TRPC3: variants seen among roughly 807,000 people sequenced by gnomAD.
The protein encoded by TRPC3 is short transient receptor potential channel 3.
Under a neutral mutation model 90.9 loss-of-function variants are expected in TRPC3, and 54 were observed. The observed-to-expected ratio is 0.59, with a 90% CI of 0.48 to 0.75. The LOEUF (loss-of-function observed/expected upper bound fraction) is 0.75. TRPC3 is among the 30% of genes least tolerant of loss of function. TRPC3 has a pLI of 0.00. For missense variants in TRPC3, 918 were observed against 1,194.5 expected, an observed-to-expected ratio of 0.77 and a Z score of 3.41; for synonymous variants, 424 against 450.9, an observed-to-expected ratio of 0.94 and a Z score of 0.75.
chr4:121,897,273 A>G (rs571490033), intron 10 of TRPC3, among the ~76,000 whole-genome samples: 2 of 152,034 alleles, frequency 1.3e-5, no homozygotes, highest in African/African-American at 4.8e-5. Context: ...GAAGTAACAA[A>G]AGCAAAAATA....
chr4:121,918,444 T>C (rs1729395190), intron 3 of TRPC3, among the ~76,000 whole-genome samples: 1 of 152,258 alleles, frequency 6.6e-6, no homozygotes, highest in African/African-American at 2.4e-5. Context: ...AATTTGAAGA[T>C]GTGCTTTATG....
chr4:121,950,613 A>T (rs1730687940), intron 1 of TRPC3: 1 of 152,270 alleles, frequency 6.6e-6, no homozygotes, highest in South Asian at 2.1e-4. Flanking sequence ...AAGATTGGAA[A>T]TTAAGAAAAG....
Position 121,932,293 on chromosome 4 carries a change from G to A in TRPC3, c.965C>T (p.Ala322Val), listed in dbSNP as rs1729960971. 6.2e-7 allele frequency: 1 copy of A among 1,613,906 alleles called. No individual in the cohort carries two copies. The highest frequency in any genetic ancestry group is 8.5e-7 in the Non-Finnish European group (1 of 1,179,984). Residue 322 changes from alanine to valine, a missense_variant, in exon 2 of 12, where the codon GCC becomes GTC. Physicochemically the swap from Ala to Val is moderately conservative, Grantham distance 64. Transcript: ENST00000379645. The surrounding 1 kb of genome is among the most constrained non-coding windows in gnomAD (Gnocchi z 7.7). ...TACCTTGAACTCCTTCTCTATGTTG[G>A]CCAGCTTGGCCAGCTCGTTGCTGAG... The part of the protein sequence containing the change: ...LELSNELAKL[A>V]NIEKEFKNDY...
intron 3 of TRPC3, among the ~76,000 whole-genome samples, 183 bp downstream of exon 3, chr4:121,924,835 T>C (rs1030937113): frequency 2.0e-5 from 3 of 152,170 alleles, no homozygotes; most frequent in African/African-American, 7.2e-5. Context: ...AGTGCTGGGA[T>C]TACAGGCACA....
chr4:121,910,470 A>AT (rs1729041226), intron 5 of TRPC3, 83 bp from the exon 6 acceptor site: 3 of 1,067,220 alleles, frequency 2.8e-6, no homozygotes, highest in Admixed American at 1.8e-5. Flanking sequence ...ATCAGGTCAC[A>AT]TCTCTACCCT....
chr4:121,937,251 A>G (rs1730162300), intron 1 of TRPC3, among the ~76,000 whole-genome samples: 1 of 152,214 alleles, frequency 6.6e-6, no homozygotes, highest in Non-Finnish European at 1.5e-5. Flanking sequence ...TGCCCTTTAA[A>G]TGAAAGTTCT....
intron 10 of TRPC3, among the ~76,000 whole-genome samples, chr4:121,893,234 G>A (rs1031196984): frequency 3.9e-5 from 6 of 151,932 alleles, no homozygotes; most frequent in Non-Finnish European, 7.4e-5. Context: ...ATGTACACAC[G>A]TGCAAGAATG....
chr4:121,885,408 C>G (rs1239042288), intron 10 of TRPC3, among the ~76,000 whole-genome samples: 1 of 152,120 alleles, frequency 6.6e-6, no homozygotes, highest in Non-Finnish European at 1.5e-5. Context: ...CTCTGGTTTT[C>G]TTTAACACAG....
intron 10 of TRPC3, among the ~76,000 whole-genome samples, chr4:121,892,001 C>A (rs562999405): frequency 6.6e-6 from 1 of 152,070 alleles, no homozygotes; most frequent in Non-Finnish European, 1.5e-5. Flanking sequence ...ATTCATAGCC[C>A]CCAGGTACTG....
At chr4:121,908,327 C>T (rs759449779) in intron 6 of TRPC3, among the ~76,000 whole-genome samples, 1 of 152,094 alleles carries the variant, frequency 6.6e-6, no homozygotes, top group African/African-American at 2.4e-5. Flanking sequence ...GAAGATTTCT[C>T]AAAGAACTTA....
chr4:121,933,158 G>A (rs1253252037), intron 1 of TRPC3, 116 bp from the exon 2 acceptor site: 5 of 1,408,726 alleles, frequency 3.5e-6, no homozygotes, highest in Non-Finnish European at 4.6e-6. Flanking sequence ...GGCTGCAGGG[G>A]TCGGCTCAGT....
chr4:121,921,161 C>T (rs1284956786), intron 3 of TRPC3, among the ~76,000 whole-genome samples: 3 of 152,128 alleles, frequency 2.0e-5, no homozygotes, highest in African/African-American at 7.2e-5. Flanking sequence ...TCTGGGAATC[C>T]TGAGCCCAGT....
At chr4:121,933,220 A>AACCCTGGGATCT in intron 1 of TRPC3, 178 bp from the exon 2 acceptor site, 6 of 1,277,632 alleles carry the variant, frequency 4.7e-6, no homozygotes, top group Non-Finnish European at 6.0e-6. Context: ...CCTGTGATCT[A>AACCCTGGGATCT]ACCCTGGCTG....
chr4:121,897,662 G>A (rs1283239374), intron 10 of TRPC3, among the ~76,000 whole-genome samples: 2 of 149,912 alleles, frequency 1.3e-5, no homozygotes, highest in African/African-American at 2.4e-5. Flanking sequence ...AAAAAATGCT[G>A]GTAAGAATGC....
chr4:121,901,470 T>C (rs1362191254), intron 9 of TRPC3, among the ~76,000 whole-genome samples: 1 of 152,202 alleles, frequency 6.6e-6, no homozygotes, highest in African/African-American at 2.4e-5. Context: ...CCCACACTGG[T>C]CAGTTAATGT....
chr4:121,951,810 G>T lies in TRPC3; in HGVS notation c.-130C>A, dbSNP rs904942168. Reference sequence around the variant, plus strand: ...CCGGGGCCCCGGGCGGCCCAGGGCGGGAAGGCAGGAGCGGAGAGCGTCGCG... The same window carrying T: ...CCGGGGCCCCGGGCGGCCCAGGGCGTGAAGGCAGGAGCGGAGAGCGTCGCG... On this transcript the variant is annotated 5_prime_UTR_variant, in exon 1 of 12. Transcript: ENST00000379645. The surrounding 1 kb of genome is among the most constrained non-coding windows in gnomAD (Gnocchi z 4.4). 13 of 671,002 alleles carry T rather than the reference G, an allele frequency of 1.9e-5. No individual in the cohort carries two copies. The highest frequency in any genetic ancestry group is 7.6e-5 in the African/African-American group (4 of 52,948). 41.6% of individuals were successfully genotyped at this position (671,002 alleles called of 1,614,324 possible).
At chr4:121,942,563 T>C (rs756143324) in intron 1 of TRPC3, among the ~76,000 whole-genome samples, 1 of 152,180 alleles carries the variant, frequency 6.6e-6, no homozygotes, top group Non-Finnish European at 1.5e-5. Flanking sequence ...AACGAGACCC[T>C]GTCTCAAAAA....
chr4:121,943,031 T>C (rs943930581), intron 1 of TRPC3, among the ~76,000 whole-genome samples: 3 of 152,220 alleles, frequency 2.0e-5, no homozygotes, highest in Admixed American at 2.0e-4. Flanking sequence ...ATCTCCCCAA[T>C]GATATTAAAA....
chr4:121,902,687 ACAT>A (rs1223812266), intron 9 of TRPC3, among the ~76,000 whole-genome samples, 162 bp downstream of exon 9: 1 of 152,344 alleles, frequency 6.6e-6, no homozygotes, highest in Non-Finnish European at 1.5e-5. Context: ...ACTTCTTGAA[ACAT>A]CATGAAAATA....
Sources: gnomAD v4.1 joint callset for allele counts (sites outside exome capture counted in the v4.1 genomes callset) on GRCh38, gnomAD v4.1.1 for gene constraint, Gnocchi (gnomAD v3.1) non-coding constraint, MANE v1.5 for transcripts, NCBI Gene and HGNC (gene_info 2026-07-23, HGNC 2026-07-21) for gene names.